Variants in CRHR1 observed in about 807,000 individuals in gnomAD.
CRHR1 encodes corticotropin-releasing hormone receptor 1.
A neutral mutation model predicts 56.0 loss-of-function variants in CRHR1; 28 were observed. The observed-to-expected ratio is 0.50, with a 90% CI of 0.37 to 0.69. The LOEUF is 0.69. Among genes scored for constraint, CRHR1 ranks in the 30% least tolerant of loss-of-function variants. The pLI, the probability that CRHR1 is intolerant of heterozygous loss-of-function variation, is 0.00. For synonymous variants in CRHR1, 195 were observed against 216.5 expected (o/e 0.90, Z 0.87); for missense variants, 376 against 548.0 (o/e 0.69, Z 3.13).
At chr17:45,833,693 T>TGGGGGGGGGGGGCGC in intron 10 of CRHR1, 21 bp from the exon 11 acceptor site, 3 of 1,571,614 alleles carry the variant, frequency 1.9e-6, no homozygotes, top group South Asian at 1.1e-5. Flanking sequence ...ACTCCGAGCC[T>TGGGGGGGGGGGGCGC]CCCCACCCGC....
chr17:45,821,522 C>A, intron 4 of CRHR1, 82 bp downstream of exon 4: 1 of 1,272,552 alleles, frequency 7.9e-7, no homozygotes, highest in Non-Finnish European at 1.1e-6. Flanking sequence ...TACTTGGAGT[C>A]AGGGAGCCAG....
At chr17:45,822,707 G>A (rs542487495) in intron 4 of CRHR1, among the ~76,000 whole-genome samples, 7 of 151,840 alleles carry the variant, frequency 4.6e-5, no homozygotes, top group Admixed American at 3.3e-4. Flanking sequence ...AAAATTAGCC[G>A]GGTGTGGCGG....
intron 4 of CRHR1, among the ~76,000 whole-genome samples, chr17:45,822,150 A>G (rs1443871343): frequency 6.6e-6 from 1 of 152,206 alleles, no homozygotes; most frequent in Non-Finnish European, 1.5e-5. Flanking sequence ...TGCTTTTTTC[A>G]TATAATCATC....
intron 2 of CRHR1, among the ~76,000 whole-genome samples, chr17:45,811,600 A>G (rs1346991408): frequency 6.6e-6 from 1 of 152,128 alleles, no homozygotes; most frequent in Non-Finnish European, 1.5e-5. Flanking sequence ...CTGCCCCGTG[A>G]ATGAGGGAGT....
intron 1 of CRHR1, among the ~76,000 whole-genome samples, chr17:45,790,792 G>C (rs9900679): frequency 0.021 from 3,241 of 152,314 alleles, 97 homozygotes; most frequent in African/African-American, 0.072. Flanking sequence ...GGCAGGGCTT[G>C]TTCTAGACTG....
At chr17:45,833,693 T>TGGGGGGGGCCCC in intron 10 of CRHR1, 21 bp from the exon 11 acceptor site, 8 of 1,571,596 alleles carry the variant, frequency 5.1e-6, no homozygotes, top group Non-Finnish European at 7.0e-6. Flanking sequence ...ACTCCGAGCC[T>TGGGGGGGGCCCC]CCCCACCCGC....
intron 8 of CRHR1, 58 bp downstream of exon 8, chr17:45,830,998 T>C: frequency 6.5e-7 from 1 of 1,540,678 alleles, no homozygotes. Context: ...CCCAGCTTGG[T>C]GACACTCCCC....
At chr17:45,798,622 G>A (rs1441876429) in intron 1 of CRHR1, among the ~76,000 whole-genome samples, 1 of 152,116 alleles carries the variant, frequency 6.6e-6, no homozygotes, top group Non-Finnish European at 1.5e-5. Context: ...GGAGGGGCGT[G>A]TGTGACTCTG....
At chr17:45,817,523 G>C (rs1444141454) in intron 3 of CRHR1, among the ~76,000 whole-genome samples, 1 of 152,264 alleles carries the variant, frequency 6.6e-6, no homozygotes, top group East Asian at 1.9e-4. Context: ...CTCATCTGAG[G>C]ATGGAGAGGG....
intron 4 of CRHR1, among the ~76,000 whole-genome samples, chr17:45,823,208 C>A (rs1166112915): frequency 6.6e-6 from 1 of 151,786 alleles, no homozygotes; most frequent in Non-Finnish European, 1.5e-5. Context: ...GGGCCACACC[C>A]AACACCTAAG....
rs2061305578 is a variant in CRHR1 at position 45,784,930 on chromosome 17, G to T, written c.33+353G>T. Among the ~76,000 whole-genome samples the T allele has an allele frequency of 6.6e-6, 1 of 152,096 alleles. No homozygotes were observed. Among genetic ancestry groups the T allele is most frequent in the Admixed American group, 6.5e-5 (1 of 15,290 alleles). Reference sequence around the variant, plus strand: ...CTCCCACGCCCTTCCTGCAGACCTCGGCCCCGGGACTGGAGACTCTGAAGC... The same window carrying T: ...CTCCCACGCCCTTCCTGCAGACCTCTGCCCCGGGACTGGAGACTCTGAAGC... On this transcript the variant is annotated intron_variant, in intron 1 of 12. Transcript: ENST00000314537. The surrounding 1 kb of genome is among the most constrained non-coding windows in gnomAD (Gnocchi z 4.2).
chr17:45,834,803 TG>T lies in CRHR1; in HGVS notation c.*45del. ...GGAGCAGCCCCCAAAGAGCTGTGGC[TG>T]GGGGGATGACGGCCAGGCTCCCTGA... On this transcript the variant is annotated 3_prime_UTR_variant, in exon 13 of 13. Transcript: ENST00000314537. 2 of 1,611,928 alleles carry T rather than the reference TG, an allele frequency of 1.2e-6. No homozygotes were observed.
chr17:45,802,325 AAAAC>A (rs376596692), intron 1 of CRHR1, among the ~76,000 whole-genome samples: 6 of 152,336 alleles, frequency 3.9e-5, no homozygotes, highest in South Asian at 2.1e-4. Context: ...ACTGTCTCAA[AAAAC>A]AAACAAACAA....
At chr17:45,807,806 C>T (rs890257038) in intron 2 of CRHR1, among the ~76,000 whole-genome samples, 1 of 152,218 alleles carries the variant, frequency 6.6e-6, no homozygotes, top group Admixed American at 6.5e-5. Context: ...TCGTTTCATC[C>T]TCACAAGAGT....
chr17:45,833,240 G>A, intron 9 of CRHR1, 30 bp downstream of exon 9: 1 of 1,607,164 alleles, frequency 6.2e-7, no homozygotes, highest in Non-Finnish European at 8.5e-7. Flanking sequence ...CAGGAGACAG[G>A]GCCCAGTGGG....
At position 45,830,144 on chromosome 17, in the gene CRHR1, T is replaced by C; in HGVS notation, c.485T>C (p.Phe162Ser). The change falls in exon 6 of 13, where the codon TTC (phenylalanine) becomes TCC (serine). Residue 162 changes from phenylalanine (F) to serine (S), a missense_variant. Physicochemically the swap from Phe to Ser is radical, Grantham distance 155 (BLOSUM62 -2). Around this residue, in one of 2 missense-constraint regions of CRHR1, gnomAD observed 369 missense variants for 519.5 expected, o/e 0.71. Transcript: ENST00000314537. ...NIIHWNLISA[F>S]ILRNATWFVV... ...ATCCACTGGAACCTCATCTCCGCCT[T>C]CATCCTGCGCAACGCCACCTGGTTC... 1 of 1,614,078 alleles carries C rather than the reference T, an allele frequency of 6.2e-7. No homozygotes were observed. The highest frequency in any genetic ancestry group is 1.1e-5 in the South Asian group (1 of 91,072).
At chr17:45,815,717 A>T (rs1454787121) in intron 2 of CRHR1, among the ~76,000 whole-genome samples, 2 of 152,302 alleles carry the variant, frequency 1.3e-5, no homozygotes, top group East Asian at 3.9e-4. Flanking sequence ...AGGGCAAGTG[A>T]CTTGCCTATG....
intron 3 of CRHR1, among the ~76,000 whole-genome samples, chr17:45,819,972 G>T (rs557772089): frequency 2.6e-5 from 4 of 152,196 alleles, no homozygotes; most frequent in African/African-American, 9.7e-5. Context: ...AGCCAGTCCA[G>T]CCCCTCCTTT....
intron 4 of CRHR1, among the ~76,000 whole-genome samples, chr17:45,823,356 G>A (rs1479688643): frequency 6.8e-6 from 1 of 148,100 alleles, no homozygotes; most frequent in East Asian, 2.0e-4. Flanking sequence ...CTGGGGCCCA[G>A]AAAAGGGGAA....
Sources: allele counts gnomAD v4.1 joint callset (sites outside exome capture counted in the v4.1 genomes callset), GRCh38; gene constraint gnomAD v4.1.1; regional missense constraint gnomAD v4.1.1; non-coding constraint Gnocchi (gnomAD v3.1); transcripts MANE v1.5; gene names NCBI Gene and HGNC (gene_info 2026-07-23, HGNC 2026-07-21).